Variants in UTP25 observed in about 807,000 individuals in gnomAD.
UTP25 encodes the protein U3 small nucleolar RNA-associated protein 25 homolog.
A neutral mutation model predicts 78.9 loss-of-function variants in UTP25; 50 were observed. That is an observed-to-expected ratio of 0.63 (90% confidence interval 0.50 to 0.80). UTP25 has a LOEUF of 0.80. Ranked by LOEUF, UTP25 falls within the 30% of genes least tolerant of loss-of-function variation. The pLI is 0.00. For missense variants in UTP25, 846 were observed against 911.3 expected (o/e 0.93, Z 0.92); for synonymous variants, 329 against 336.5 (o/e 0.98, Z 0.24).
chr1:209,831,157 T>C (rs2102567832), intron 3 of UTP25, 114 bp downstream of exon 3: 1 of 1,104,946 alleles, frequency 9.1e-7, no homozygotes. Flanking sequence ...GAATCCAAAA[T>C]AGGGATTTAC....
chr1:209,837,068 C>A lies in UTP25; in HGVS notation c.919C>A (p.Arg307Ser). 1 of 1,614,090 alleles carries A rather than the reference C, an allele frequency of 6.2e-7. No homozygotes were observed. The highest frequency in any genetic ancestry group is 2.2e-5 in the East Asian group (1 of 44,874). The change falls in exon 6 of 12, where the codon CGC becomes AGC. Residue 307 changes from arginine to serine, a missense_variant. Coordinates refer to ENST00000491415, the MANE Select transcript of UTP25 (RefSeq NM_014388.7). ...TGCTCTGAAGAACGGGGAAGAGATC[C>A]GCCATGTGTATTGCCTGCATGTGAT... is the stretch of plus-strand genomic sequence containing the variant. The part of the protein sequence containing the change: ...RTALKNGEEI[R>S]HVYCLHVINH...
At chr1:209,846,051 T>C (rs1454240656) in intron 11 of UTP25, among the ~76,000 whole-genome samples, 1 of 152,032 alleles carries the variant, frequency 6.6e-6, no homozygotes, top group East Asian at 1.9e-4. Flanking sequence ...GACGAGGTTT[T>C]GCCATGTTGG....
chr1:209,843,321 GT>G (rs2078177805), intron 10 of UTP25, 129 bp from the exon 11 acceptor site: 1 of 1,080,180 alleles, frequency 9.3e-7, no homozygotes, highest in Non-Finnish European at 1.3e-6. Context: ...TTGAGAGGAG[GT>G]AAATCATATT....
In UTP25 at chr1:209,857,247, T is replaced by TC. The variant is rs1179847049; in HGVS notation, c.*5804dup. 2 of 152,056 alleles carry TC rather than the reference T, an allele frequency of 1.3e-5. No homozygotes were observed. Among genetic ancestry groups the TC allele is most frequent in the African/African-American group, 4.8e-5 (2 of 41,400 alleles). 9.4% of individuals were successfully genotyped at this position (152,056 alleles called of 1,614,324 possible). ...AGCTGTACGGTACAAATTTTTTTTT[T>TC]CCCCACTTAAGGCTCAACTATTGGA... On this transcript the variant is annotated 3_prime_UTR_variant, in exon 12 of 12. Transcript: ENST00000491415.
chr1:209,853,429 T>G lies in UTP25; in HGVS notation c.*1982T>G, dbSNP rs1405794301. The G allele has an allele frequency of 2.0e-5, 3 of 152,120 alleles. No individual in the cohort carries two copies. Among genetic ancestry groups the G allele is most frequent in the African/African-American group, 7.2e-5 (3 of 41,400 alleles). 9.4% of individuals were successfully genotyped at this position (152,120 alleles called of 1,614,324 possible). Reference sequence around the variant, plus strand: ...TGGAGTACACTGGCATGATCTTGGCTTACTGCAATCTGTGCCTCCCGAGTT... The same window carrying G: ...TGGAGTACACTGGCATGATCTTGGCGTACTGCAATCTGTGCCTCCCGAGTT... On this transcript the variant is annotated 3_prime_UTR_variant, in exon 12 of 12. Coordinates refer to ENST00000491415, the MANE Select transcript of UTP25 (RefSeq NM_014388.7).
Position 209,855,798 on chromosome 1 carries a change from A to T in UTP25, c.*4351A>T, listed in dbSNP as rs2078271346. 1 of 152,314 alleles carries T rather than the reference A, an allele frequency of 6.6e-6. No individual in the cohort carries two copies. Among genetic ancestry groups the T allele is most frequent in the South Asian group, 2.1e-4 (1 of 4,828 alleles). The allele number at this position is 152,314 out of a possible 1,614,324, so 9.4% of individuals were successfully genotyped here. A position where few individuals can be genotyped will look rare whatever the true frequency, so the allele number is the denominator to read the frequency against. On this transcript the variant is annotated 3_prime_UTR_variant, in exon 12 of 12. Transcript: ENST00000491415. Reference sequence around the variant, plus strand: ...AAGGAGGCAGTCTGCCGCTTGGCTGATTTAGGAGTTGTGCTGAATTCCTGC... The same window carrying T: ...AAGGAGGCAGTCTGCCGCTTGGCTGTTTTAGGAGTTGTGCTGAATTCCTGC...
At chr1:209,837,332 C>A in intron 6 of UTP25, 121 bp downstream of exon 6, 1 of 1,152,022 alleles carries the variant, frequency 8.7e-7, no homozygotes, top group Non-Finnish European at 1.2e-6. Flanking sequence ...TGAATGAGCC[C>A]AAATGTGAGC....
intron 5 of UTP25, among the ~76,000 whole-genome samples, chr1:209,835,519 A>G (rs1460107560): frequency 2.0e-5 from 3 of 152,228 alleles, no homozygotes; most frequent in Non-Finnish European, 4.4e-5. Context: ...TCAAAATAGA[A>G]TAGTTTACTA....
chr1:209,851,754 A>AC lies in UTP25; in HGVS notation c.*309dup, dbSNP rs1307497589. 4.0e-5 allele frequency: 9 copies of AC among 225,406 alleles called. No individual in the cohort carries two copies. In the Admixed American group the frequency reaches 4.6e-4, roughly 12 times the overall value. The allele number at this position is 225,406 out of a possible 1,614,324, so 14.0% of individuals were successfully genotyped here. On this transcript the variant is annotated 3_prime_UTR_variant, in exon 12 of 12. Coordinates refer to ENST00000491415, the MANE Select transcript of UTP25 (RefSeq NM_014388.7). ...GACATAAATTCTTTTATTACGATTT[A>AC]CCTCTAATTTATTACACTTAGTAAA...
intron 11 of UTP25, among the ~76,000 whole-genome samples, chr1:209,849,936 T>G (rs2102583260): frequency 6.6e-6 from 1 of 152,326 alleles, no homozygotes; most frequent in South Asian, 2.1e-4. Flanking sequence ...CACTGGCTCA[T>G]GAGACCTGGC....
chr1:209,857,230 G>A lies in UTP25; in HGVS notation c.*5783G>A, dbSNP rs1027034592. 5 of 151,920 alleles carry A rather than the reference G, an allele frequency of 3.3e-5. No individual in the cohort carries two copies. The highest frequency in any genetic ancestry group is 2.1e-4 in the South Asian group (1 of 4,812). The allele number at this position is 151,920 out of a possible 1,614,324, so 9.4% of individuals were successfully genotyped here. A position where few individuals can be genotyped will look rare whatever the true frequency, so the allele number is the denominator to read the frequency against. Reference sequence around the variant, plus strand: ...ATCAGTCCTGTTTCTGAAGCTGTACGGTACAAATTTTTTTTTTCCCCACTT... The same window carrying A: ...ATCAGTCCTGTTTCTGAAGCTGTACAGTACAAATTTTTTTTTTCCCCACTT... On this transcript the variant is annotated 3_prime_UTR_variant, in exon 12 of 12. Coordinates refer to ENST00000491415, the MANE Select transcript of UTP25 (RefSeq NM_014388.7).
Position 209,855,777 on chromosome 1 carries a change from A to C in UTP25, c.*4330A>C, listed in dbSNP as rs1390704308. ...CTTGGCTGACCCAGAGAAGGAAAGG[A>C]GGCAGTCTGCCGCTTGGCTGATTTA... On this transcript the variant is annotated 3_prime_UTR_variant, in exon 12 of 12. Coordinates refer to ENST00000491415, the MANE Select transcript of UTP25 (RefSeq NM_014388.7). 1 of 152,314 alleles carries C rather than the reference A, an allele frequency of 6.6e-6. No homozygotes were observed. Among genetic ancestry groups the C allele is most frequent in the African/African-American group, 2.4e-5 (1 of 41,452 alleles). 9.4% of individuals were successfully genotyped at this position (152,314 alleles called of 1,614,324 possible). A position where few individuals can be genotyped will look rare whatever the true frequency, so the allele number is the denominator to read the frequency against.
At chr1:209,848,025 T>C (rs928835127) in intron 11 of UTP25, among the ~76,000 whole-genome samples, 6 of 152,246 alleles carry the variant, frequency 3.9e-5, no homozygotes, top group African/African-American at 1.4e-4. Context: ...AATTGTTCCC[T>C]TGTTATTTAG....
At chr1:209,832,776 C>T (rs866143076) in intron 3 of UTP25, among the ~76,000 whole-genome samples, 4 of 152,032 alleles carry the variant, frequency 2.6e-5, no homozygotes, top group African/African-American at 9.7e-5. Context: ...TTCAGCTACT[C>T]GGGAGCCTGA....
At chr1:209,828,804 G>A (rs2078086170) in intron 1 of UTP25, among the ~76,000 whole-genome samples, 1 of 148,520 alleles carries the variant, frequency 6.7e-6, no homozygotes, top group Admixed American at 6.8e-5. Flanking sequence ...ACAGAGTCTC[G>A]CTTTGTCGCC....
intron 4 of UTP25, among the ~76,000 whole-genome samples, chr1:209,834,663 G>A (rs1172456031): frequency 1.3e-5 from 2 of 152,186 alleles, no homozygotes; most frequent in East Asian, 3.8e-4. Flanking sequence ...TTGTGATTCA[G>A]TGGGTAACAT....
Position 209,830,808 on chromosome 1 carries a change from GA to G in UTP25, c.154del (p.Ser52ValfsTer28). The G allele has an allele frequency of 1.9e-6, 3 of 1,613,072 alleles. No individual in the cohort carries two copies. The highest frequency in any genetic ancestry group is 2.5e-6 in the Non-Finnish European group (3 of 1,179,418). ...AKPQICQLSE[S>X]SDSSDSESDS... ...AATTCTCCTTTTCCTTTTAGTCAGA[GA>G]GTTCAGATTCTTCAGATTCTGAAAG... On this transcript the variant is annotated frameshift_variant, in exon 3 of 12. Transcript: ENST00000491415. LOFTEE classifies it high-confidence loss of function.
At chr1:209,848,438 G>C (rs2078210373) in intron 11 of UTP25, among the ~76,000 whole-genome samples, 1 of 152,044 alleles carries the variant, frequency 6.6e-6, no homozygotes, top group Non-Finnish European at 1.5e-5. Context: ...GGTTAATTAA[G>C]CTAGCTTCCT....
At position 209,836,924 on chromosome 1, in the gene UTP25, A is replaced by G; in HGVS notation, c.775A>G (p.Lys259Glu). The change falls in exon 6 of 12, where the codon AAG becomes GAG. Residue 259 changes from lysine to glutamate, a missense_variant. Transcript: ENST00000491415. The part of the protein sequence containing the change: ...LQKPLESTWT[K>E]TNSQFLSGPQ... ...GAAGCCTCTGGAATCCACCTGGACTAAGACCAACAGCCAGTTCCTATCTGG... is the reference window on the plus strand; with the variant it reads ...GAAGCCTCTGGAATCCACCTGGACTGAGACCAACAGCCAGTTCCTATCTGG... 6.2e-7 allele frequency: 1 copy of G among 1,614,150 alleles called. No homozygotes were observed.
Sources: gnomAD v4.1 joint callset for allele counts (sites outside exome capture counted in the v4.1 genomes callset) on GRCh38, gnomAD v4.1.1 for gene constraint, MANE v1.5 for transcripts, NCBI Gene and HGNC (gene_info 2026-07-23, HGNC 2026-07-21) for gene names.